The following ZNF292 variants were observed in gnomAD, a reference collection of about 807,000 sequenced individuals.
ZNF292 encodes the protein zinc finger protein 292, also known as 16 zinc-finger domain protein.
In ZNF292, 26 loss-of-function variants were observed where a neutral mutation model predicts 217.9. That is an observed-to-expected ratio of 0.12 (90% confidence interval 0.09 to 0.17). The LOEUF is 0.17. Among genes scored for constraint, ZNF292 ranks in the 10% least tolerant of loss-of-function variants. The pLI, the probability that ZNF292 is intolerant of heterozygous loss-of-function variation, is 1.00. For missense variants in ZNF292, 2,904 were observed against 3,175.2 expected (o/e 0.91, Z 2.05); for synonymous variants, 1,257 against 1,124.1 (o/e 1.12, Z -2.37).
chr6:87,203,044 A>G (rs1772139510), intron 1 of ZNF292, among the ~76,000 whole-genome samples: 1 of 151,772 alleles, frequency 6.6e-6, no homozygotes, highest in South Asian at 2.1e-4. Flanking sequence ...ATAGGGGACT[A>G]CTGCATATCT....
In ZNF292 at chr6:87,250,047, A is replaced by AAAC. The variant is rs1403848104; in HGVS notation, c.1020+4404_1020+4405insACA. Reference sequence around the variant, plus strand: ...TTAAAAAAAAAAAAACAAAAAAAAAAACTCCAGGAATTGAAGACTATCAAC... The same window carrying AAAC: ...TTAAAAAAAAAAAAACAAAAAAAAAAAACACTCCAGGAATTGAAGACTATCAAC... On this transcript the variant is annotated intron_variant, in intron 7 of 7. Transcript: ENST00000369577. Among the ~76,000 whole-genome samples, 6 of 151,242 alleles carry AAAC rather than the reference A, an allele frequency of 4.0e-5. No homozygotes were observed. The East Asian group carries it at 1.2e-3, about 29-fold the overall frequency.
At chr6:87,158,460 G>C (rs1562114988) in intron 1 of ZNF292, among the ~76,000 whole-genome samples, 1 of 152,060 alleles carries the variant, frequency 6.6e-6, no homozygotes, top group East Asian at 1.9e-4. Context: ...GATCGCTTGA[G>C]CCTGAGCAGC....
chr6:87,183,944 C>T (rs959436660), intron 1 of ZNF292, among the ~76,000 whole-genome samples: 3 of 152,058 alleles, frequency 2.0e-5, no homozygotes, highest in African/African-American at 7.2e-5. Context: ...GCCCAGAGAG[C>T]CAAGATCTCA....
chr6:87,224,835 A>T (rs1373344863), intron 4 of ZNF292, among the ~76,000 whole-genome samples: 2 of 152,184 alleles, frequency 1.3e-5, no homozygotes, highest in South Asian at 2.1e-4. Flanking sequence ...AAACATGTGC[A>T]TGCAGGTTTT....
chr6:87,242,334 TTCTTG>T (rs1302568611), intron 5 of ZNF292, among the ~76,000 whole-genome samples: 6 of 152,174 alleles, frequency 3.9e-5, no homozygotes. Flanking sequence ...CGATTTTTTT[TTCTTG>T]TCTTAGTGTT....
At chr6:87,161,937 G>A (rs144743600) in intron 1 of ZNF292, among the ~76,000 whole-genome samples, 1 of 152,208 alleles carries the variant, frequency 6.6e-6, no homozygotes, top group African/African-American at 2.4e-5. Flanking sequence ...ACTGTATCTT[G>A]CTTTCCCTCC....
At chr6:87,168,716 C>T (rs1582373149) in intron 1 of ZNF292, among the ~76,000 whole-genome samples, 1 of 152,126 alleles carries the variant, frequency 6.6e-6, no homozygotes, top group South Asian at 2.1e-4. Context: ...GTGATCCGCC[C>T]ACCTCAGCCT....
intron 1 of ZNF292, among the ~76,000 whole-genome samples, chr6:87,188,356 T>C (rs1334624492): frequency 1.3e-5 from 2 of 152,210 alleles, no homozygotes; most frequent in Non-Finnish European, 2.9e-5. Flanking sequence ...GAGAAATCGC[T>C]AAGGTAAAGA....
At chr6:87,209,793 T>C (rs1267794473) in intron 1 of ZNF292, among the ~76,000 whole-genome samples, 3 of 152,226 alleles carry the variant, frequency 2.0e-5, no homozygotes, top group African/African-American at 7.2e-5. Context: ...AAGTCTCAGT[T>C]TTTGTTTTGA....
intron 1 of ZNF292, among the ~76,000 whole-genome samples, chr6:87,178,839 A>C (rs1293557767): frequency 6.6e-6 from 1 of 152,214 alleles, no homozygotes; most frequent in Non-Finnish European, 1.5e-5. Context: ...TACTAAAGGA[A>C]TTTGTGAAAG....
Position 87,254,860 on chromosome 6 carries a change from A to G in ZNF292, c.1231A>G (p.Asn411Asp). Residue 411 changes from asparagine (N) to aspartate (D), a missense_variant, in exon 8 of 8, where the codon AAT becomes GAT. Coordinates refer to ENST00000369577, the MANE Select transcript of ZNF292 (RefSeq NM_015021.3). ...DAYYAVEMLY[N>D]QPDQKYDEEN... is the part of the protein sequence containing the mutation. ...GTATTATGCTGTGGAAATGTTGTAT[A>G]ATCAGCCAGACCAGAAATATGATGA... 6.2e-7 allele frequency: 1 copy of G among 1,613,834 alleles called. No homozygotes were observed. The highest frequency in any genetic ancestry group is 8.5e-7 in the Non-Finnish European group (1 of 1,179,784).
intron 1 of ZNF292, among the ~76,000 whole-genome samples, chr6:87,168,516 C>G (rs1471247065): frequency 3.3e-5 from 5 of 152,194 alleles, no homozygotes; most frequent in African/African-American, 9.6e-5. Flanking sequence ...TCTTGTCAGG[C>G]TGGAGTGCAG....
chr6:87,261,210 A>G lies in ZNF292; in HGVS notation c.7581A>G (p.Ala2527=). 6.2e-7 allele frequency: 1 copy of G among 1,610,310 alleles called. No individual in the cohort carries two copies. The highest frequency in any genetic ancestry group is 1.7e-4 in the Middle Eastern group (1 of 6,044). Residue 2527 remains alanine, a synonymous_variant, in exon 8 of 8, where the codon GCA becomes GCG. Transcript: ENST00000369577. ...DNLCQSERQK[A]SNLKRVNKEK... ...TCTGCCAGTCAGAAAGACAAAAAGC[A>G]AGTAATTTGAAGAGAGTTAATAAGG...
At chr6:87,186,444 G>C (rs1224958823) in intron 1 of ZNF292, among the ~76,000 whole-genome samples, 1 of 152,156 alleles carries the variant, frequency 6.6e-6, no homozygotes, top group African/African-American at 2.4e-5. Flanking sequence ...TCATATTTCT[G>C]TGAGTACACT....
intron 4 of ZNF292, among the ~76,000 whole-genome samples, chr6:87,222,529 G>T (rs1773135358): frequency 6.6e-6 from 1 of 151,772 alleles, no homozygotes; most frequent in Non-Finnish European, 1.5e-5. Context: ...CAATACTGAG[G>T]TTAGTCTGAC....
chr6:87,194,764 C>A (rs1227477932), intron 1 of ZNF292, among the ~76,000 whole-genome samples: 9 of 152,026 alleles, frequency 5.9e-5, no homozygotes, highest in Non-Finnish European at 4.4e-5. Context: ...AGGCCAATTT[C>A]ACATGTGACA....
intron 5 of ZNF292, among the ~76,000 whole-genome samples, chr6:87,242,402 C>T (rs932758525): frequency 6.6e-6 from 1 of 152,098 alleles, no homozygotes; most frequent in Non-Finnish European, 1.5e-5. Context: ...ACCTATTGCC[C>T]CACAGCGTTT....
At chr6:87,191,453 A>T (rs1771819055) in intron 1 of ZNF292, among the ~76,000 whole-genome samples, 1 of 152,168 alleles carries the variant, frequency 6.6e-6, no homozygotes, top group Admixed American at 6.5e-5. Flanking sequence ...TTGTGTCAAG[A>T]TACCCTTATA....
rs559135606 is a variant in ZNF292, at chr6:87,176,998, C to T, written c.168+21239C>T. ...TGCTATTCTGATGCACCGCCTCCCC[C>T]GGCCCCCCACTCCTCCCCACAGACA... On this transcript the variant is annotated intron_variant, in intron 1 of 7. Coordinates refer to ENST00000369577, the MANE Select transcript of ZNF292 (RefSeq NM_015021.3). Among the ~76,000 whole-genome samples the T allele has an allele frequency of 2.0e-3, 305 of 152,106 alleles. 1 individual carries two copies. Among genetic ancestry groups the T allele is most frequent in the African/African-American group, 7.0e-3 (291 of 41,428 alleles).
Sources: allele counts gnomAD v4.1 joint callset (sites outside exome capture counted in the v4.1 genomes callset), GRCh38; gene constraint gnomAD v4.1.1; transcripts MANE v1.5; gene names NCBI Gene and HGNC (gene_info 2026-07-23, HGNC 2026-07-21).